Variants in CADM2 observed in about 807,000 individuals in gnomAD.
CADM2 encodes the protein cell adhesion molecule 2.
CADM2 carries 12 observed loss-of-function variants against 49.8 expected under a neutral mutation model. That is an observed-to-expected ratio of 0.24 (90% CI 0.15 to 0.39). The LOEUF is 0.39. Among genes scored for constraint, CADM2 ranks in the 10% least tolerant of loss-of-function variants. CADM2 has a pLI of 1.00. For missense variants in CADM2, 378 were observed against 492.3 expected, an observed-to-expected ratio of 0.77 and a Z score of 2.20; for synonymous variants, 214 against 175.4, an observed-to-expected ratio of 1.22 and a Z score of -1.74.
chr3:85,334,245 T>C (rs1030453064), intron 1 of CADM2, among the ~76,000 whole-genome samples: 1 of 151,530 alleles, frequency 6.6e-6, no homozygotes, highest in African/African-American at 2.4e-5. Flanking sequence ...TTATCAAAAC[T>C]GCCTCAGGTA....
chr3:85,110,836 G>A (rs913641446), intron 1 of CADM2, among the ~76,000 whole-genome samples: 5 of 151,680 alleles, frequency 3.3e-5, no homozygotes, highest in African/African-American at 9.7e-5. Context: ...GGATCTCAGC[G>A]TTTCTTATTT....
intron 1 of CADM2, among the ~76,000 whole-genome samples, chr3:85,029,295 G>A (rs1327969831): frequency 6.6e-6 from 1 of 152,120 alleles, no homozygotes; most frequent in African/African-American, 2.4e-5. Context: ...ACATTTATGA[G>A]CTGAATTATT....
intron 1 of CADM2, among the ~76,000 whole-genome samples, chr3:85,369,533 C>G (rs1559804276): frequency 6.6e-6 from 1 of 152,084 alleles, no homozygotes; most frequent in Non-Finnish European, 1.5e-5. Flanking sequence ...CTTTGGGAGG[C>G]TGAGGCGGGT....
intron 1 of CADM2, among the ~76,000 whole-genome samples, chr3:85,107,445 C>T (rs1323422548): frequency 6.6e-6 from 1 of 151,994 alleles, no homozygotes; most frequent in Non-Finnish European, 1.5e-5. Context: ...TAAAACAAAG[C>T]AAAACATAAA....
Position 85,361,146 on chromosome 3 carries a change from A to G in CADM2, c.62-365376A>G, listed in dbSNP as rs560706516. Among the ~76,000 whole-genome samples, 26 of 152,282 alleles carry G rather than the reference A, an allele frequency of 1.7e-4. 1 individual carries two copies. The highest frequency in any genetic ancestry group is 5.3e-4 in the African/African-American group (22 of 41,560). Reference sequence around the variant, plus strand: ...TCAAAGATAAACTTAGACACATTAAAATTTTAAAGGGTTTATTTGAGCATT... The same window carrying G: ...TCAAAGATAAACTTAGACACATTAAGATTTTAAAGGGTTTATTTGAGCATT... On this transcript the variant is annotated intron_variant, in intron 1 of 9. Transcript: ENST00000383699.
chr3:86,016,489 A>G (rs1008287818), intron 8 of CADM2, among the ~76,000 whole-genome samples: 1 of 152,220 alleles, frequency 6.6e-6, no homozygotes, highest in African/African-American at 2.4e-5. Flanking sequence ...ATGAAATAAG[A>G]GGAAAATATA....
intron 1 of CADM2, among the ~76,000 whole-genome samples, chr3:85,149,435 T>A (rs1161359067): frequency 1.3e-5 from 2 of 152,070 alleles, no homozygotes; most frequent in African/African-American, 4.8e-5. Context: ...ATATACAAAT[T>A]AATAAATTGA....
chr3:85,898,434 C>G (rs186423654), intron 5 of CADM2, among the ~76,000 whole-genome samples: 1 of 151,976 alleles, frequency 6.6e-6, no homozygotes, highest in African/African-American at 2.4e-5. Flanking sequence ...ATATCCTTTC[C>G]AACACCTTCC....
chr3:85,304,319 G>T (rs2044165592), intron 1 of CADM2, among the ~76,000 whole-genome samples: 1 of 151,568 alleles, frequency 6.6e-6, no homozygotes, highest in South Asian at 2.1e-4. Context: ...AGTTTCAAAC[G>T]GTATATCATA....
intron 1 of CADM2, among the ~76,000 whole-genome samples, chr3:85,666,065 G>T (rs1430984372): frequency 6.6e-6 from 1 of 151,872 alleles, no homozygotes; most frequent in African/African-American, 2.4e-5. Flanking sequence ...AAATCAATGT[G>T]CAAAAATCAC....
chr3:85,963,386 G>A (rs994205570), intron 8 of CADM2, among the ~76,000 whole-genome samples: 2 of 151,896 alleles, frequency 1.3e-5, no homozygotes, highest in Non-Finnish European at 2.9e-5. Context: ...CAGAGAGAAT[G>A]TTACAACCAC....
chr3:85,292,096 C>T lies in CADM2; in HGVS notation c.61+332428C>T, dbSNP rs1453047455. ...TCAAAATAAAAGGATGGAGGAAGAT[C>T]TACCAAGCAAATGGAAAACAAAAAA... On this transcript the variant is annotated intron_variant, in intron 1 of 9. Coordinates refer to ENST00000383699, the MANE Select transcript of CADM2 (RefSeq NM_001167675.2). 2.0e-5 allele frequency among the ~76,000 whole-genome samples: 3 copies of T among 149,222 alleles called. No individual in the cohort carries two copies. In the East Asian group the frequency reaches 5.9e-4, roughly 29 times the overall value.
intron 8 of CADM2, among the ~76,000 whole-genome samples, chr3:86,050,747 C>A (rs1222171568): frequency 6.6e-6 from 1 of 152,096 alleles, no homozygotes; most frequent in African/African-American, 2.4e-5. Context: ...TAGCTGGTCC[C>A]ACTTGAGTCA....
chr3:85,179,574 A>C (rs192547812), intron 1 of CADM2, among the ~76,000 whole-genome samples: 2 of 152,132 alleles, frequency 1.3e-5, no homozygotes, highest in Admixed American at 6.5e-5. Context: ...ATTTTTCTGA[A>C]TATGCAACTT....
chr3:85,100,812 A>G (rs911827187), intron 1 of CADM2, among the ~76,000 whole-genome samples: 3 of 152,234 alleles, frequency 2.0e-5, no homozygotes, highest in Admixed American at 6.5e-5. Flanking sequence ...CATGTAATTC[A>G]AAAATTACTT....
chr3:85,950,601 G>A (rs186005390), intron 7 of CADM2, among the ~76,000 whole-genome samples: 13 of 151,160 alleles, frequency 8.6e-5, no homozygotes, highest in Admixed American at 2.7e-4. Context: ...CTTCTAAAGA[G>A]CACTTACCTC....
chr3:85,014,191 T>TATATATACGCAGTGTAATAATGTATATC (rs2034142053), intron 1 of CADM2, among the ~76,000 whole-genome samples: 1 of 148,524 alleles, frequency 6.7e-6, no homozygotes, highest in African/African-American at 2.5e-5. Flanking sequence ...TATTGTATAT[T>TATATATACGCAGTGTAATAATGTATATC]ATATATACGC....
At chr3:85,713,413 T>C (rs1278788323) in intron 1 of CADM2, among the ~76,000 whole-genome samples, 1 of 152,120 alleles carries the variant, frequency 6.6e-6, no homozygotes, top group Non-Finnish European at 1.5e-5. Context: ...CCTCCTAAAG[T>C]GCTGGGAATT....
chr3:85,483,294 A>G (rs932185785), intron 1 of CADM2, among the ~76,000 whole-genome samples: 8 of 151,536 alleles, frequency 5.3e-5, no homozygotes, highest in African/African-American at 1.9e-4. Context: ...AAGATTTTGT[A>G]TATATTGAAT....
Sources: allele counts gnomAD v4.1 joint callset (sites outside exome capture counted in the v4.1 genomes callset), GRCh38; gene constraint gnomAD v4.1.1; transcripts MANE v1.5; gene names NCBI Gene and HGNC (gene_info 2026-07-23, HGNC 2026-07-21).